Variants in GRID1 observed in about 807,000 individuals in gnomAD.
GRID1 encodes glutamate ionotropic receptor delta type subunit 1.
Under a neutral mutation model 98.0 loss-of-function variants are expected in GRID1, and 28 were observed. That is an observed-to-expected ratio of 0.29 (90% CI 0.21 to 0.39). GRID1 has a LOEUF of 0.39. Among genes scored for constraint, GRID1 ranks in the 10% least tolerant of loss-of-function variants. The pLI is 1.00. For missense variants in GRID1, 1,111 were observed against 1,340.5 expected (o/e 0.83, Z 2.67); for synonymous variants, 553 against 538.5 (o/e 1.03, Z -0.37).
intron 8 of GRID1, among the ~76,000 whole-genome samples, chr10:85,838,873 C>T (rs1842935949): frequency 1.3e-5 from 2 of 152,054 alleles, no homozygotes; most frequent in Admixed American, 1.3e-4. Context: ...GAACCAAGAT[C>T]CATTGTTATG....
intron 3 of GRID1, among the ~76,000 whole-genome samples, chr10:86,162,618 C>A (rs1441668717): frequency 6.6e-6 from 1 of 152,198 alleles, no homozygotes; most frequent in East Asian, 1.9e-4. Flanking sequence ...TAAAAAGGGT[C>A]TTGGGGCCAA....
intron 2 of GRID1, among the ~76,000 whole-genome samples, chr10:86,271,157 A>G (rs1847179581): frequency 6.6e-6 from 1 of 152,244 alleles, no homozygotes; most frequent in South Asian, 2.1e-4. Context: ...TTGAAGGAAT[A>G]GTATCTGGTA....
At chr10:86,082,263 A>G (rs1339766919) in intron 4 of GRID1, among the ~76,000 whole-genome samples, 1 of 152,246 alleles carries the variant, frequency 6.6e-6, no homozygotes, top group African/African-American at 2.4e-5. Flanking sequence ...CGTGATATAA[A>G]TAGCCCTGGG....
intron 8 of GRID1, among the ~76,000 whole-genome samples, chr10:85,745,636 T>A (rs1488023941): frequency 7.3e-6 from 1 of 137,486 alleles, no homozygotes; most frequent in African/African-American, 2.8e-5. Context: ...GACACGTTAG[T>A]GGGTGCAGCG....
intron 8 of GRID1, among the ~76,000 whole-genome samples, chr10:85,803,736 G>T (rs567482338): frequency 6.6e-6 from 1 of 151,892 alleles, no homozygotes; most frequent in Non-Finnish European, 1.5e-5. Context: ...GTATATATTT[G>T]TGGGTTACAT....
At chr10:85,932,263 G>A (rs1035589849) in intron 4 of GRID1, among the ~76,000 whole-genome samples, 1 of 152,186 alleles carries the variant, frequency 6.6e-6, no homozygotes, top group Non-Finnish European at 1.5e-5. Context: ...CCCAGGCTGA[G>A]TGCAGTGGCA....
chr10:86,290,366 G>A (rs901750821), intron 2 of GRID1, among the ~76,000 whole-genome samples: 8 of 152,190 alleles, frequency 5.3e-5, no homozygotes, highest in African/African-American at 7.2e-5. Context: ...AGATGTTCCC[G>A]GCCAGGTGCG....
intron 4 of GRID1, among the ~76,000 whole-genome samples, chr10:85,979,892 A>C (rs1276870385): frequency 2.0e-5 from 3 of 152,242 alleles, no homozygotes; most frequent in African/African-American, 7.2e-5. Flanking sequence ...AAACAATTTC[A>C]GTAGCCTCCT....
At chr10:86,213,618 C>T (rs1165882861) in intron 2 of GRID1, among the ~76,000 whole-genome samples, 1 of 152,120 alleles carries the variant, frequency 6.6e-6, no homozygotes, top group Non-Finnish European at 1.5e-5. Flanking sequence ...TGTATACCCT[C>T]TCTTTATGGA....
At chr10:85,610,547 C>T (rs1842720892) in intron 15 of GRID1, among the ~76,000 whole-genome samples, 1 of 152,170 alleles carries the variant, frequency 6.6e-6, no homozygotes, top group Admixed American at 6.5e-5. Context: ...GCTCTGAGCC[C>T]CAAGTAGTCT....
intron 3 of GRID1, among the ~76,000 whole-genome samples, chr10:86,176,243 A>C (rs1174582537): frequency 6.6e-6 from 1 of 152,204 alleles, no homozygotes; most frequent in African/African-American, 2.4e-5. Context: ...GGGCTGAAGG[A>C]GGAGGAGAGT....
At chr10:86,109,340 G>A (rs370131187) in intron 4 of GRID1, among the ~76,000 whole-genome samples, 7 of 152,186 alleles carry the variant, frequency 4.6e-5, no homozygotes, top group Non-Finnish European at 8.8e-5. Context: ...TCCCGCCACC[G>A]CCCAGGGTGA....
intron 8 of GRID1, among the ~76,000 whole-genome samples, chr10:85,839,521 C>A (rs1842943668): frequency 6.6e-6 from 1 of 152,030 alleles, no homozygotes; most frequent in Non-Finnish European, 1.5e-5. Context: ...ATATGAATGA[C>A]TTTCTGGTAA....
Position 85,922,554 on chromosome 10 carries a change from T to TC in GRID1, c.727-6316dup, listed in dbSNP as rs532697810. On this transcript the variant is annotated intron_variant, in intron 4 of 15. Transcript: ENST00000327946. ...CCCCAACTCTAACATTTGGGAACAT[T>TC]CCCCCCGTGAAGCCCAGGGCCTGGC... 6.1e-4 allele frequency among the ~76,000 whole-genome samples: 93 copies of TC among 152,128 alleles called. No homozygotes were observed. The South Asian group carries it at 0.01, about 17-fold the overall frequency.
At chr10:86,331,598 C>G (rs1224222072) in intron 2 of GRID1, among the ~76,000 whole-genome samples, 1 of 152,188 alleles carries the variant, frequency 6.6e-6, no homozygotes, top group African/African-American at 2.4e-5. Flanking sequence ...GACTCCTAGT[C>G]TCCCCAAAAC....
chr10:86,129,817 T>TC (rs1014313964), intron 4 of GRID1, among the ~76,000 whole-genome samples: 1 of 152,070 alleles, frequency 6.6e-6, no homozygotes, highest in Non-Finnish European at 1.5e-5. Flanking sequence ...ACTTTCCAGT[T>TC]CCCCCCTCAA....
intron 12 of GRID1, among the ~76,000 whole-genome samples, chr10:85,684,734 G>A (rs1339996441): frequency 2.0e-5 from 3 of 152,140 alleles, no homozygotes; most frequent in African/African-American, 7.2e-5. Context: ...ATCATAGACT[G>A]GGTGGCTTAA....
At chr10:86,321,121 CA>C (rs5786735) in intron 2 of GRID1, among the ~76,000 whole-genome samples, 4 of 144,880 alleles carry the variant, frequency 2.8e-5, no homozygotes, top group Admixed American at 2.1e-4. Context: ...AGAAAAAAAG[CA>C]AAAAAAAAAT....
chr10:86,208,201 C>T (rs1564706765), intron 2 of GRID1, among the ~76,000 whole-genome samples: 2 of 152,146 alleles, frequency 1.3e-5, no homozygotes, highest in East Asian at 1.9e-4. Flanking sequence ...CAAGGGCGCT[C>T]GCCTTGCACC....
Sources: gnomAD v4.1 joint callset for allele counts (sites outside exome capture counted in the v4.1 genomes callset) on GRCh38, gnomAD v4.1.1 for gene constraint, MANE v1.5 for transcripts, NCBI Gene and HGNC (gene_info 2026-07-23, HGNC 2026-07-21) for gene names.